The following CBFA2T2 variants were observed in gnomAD, a reference collection of about 807,000 sequenced individuals.
CBFA2T2 encodes the protein protein CBFA2T2.
Under a neutral mutation model 62.2 loss-of-function variants are expected in CBFA2T2, and 11 were observed. The observed-to-expected ratio is 0.18, with a 90% confidence interval of 0.11 to 0.29. The LOEUF is 0.29. Ranked by LOEUF, CBFA2T2 falls within the 10% of genes least tolerant of loss-of-function variation. The pLI, the probability that CBFA2T2 is intolerant of heterozygous loss-of-function variation, is 1.00. For synonymous variants in CBFA2T2, 295 were observed against 287.5 expected, an observed-to-expected ratio of 1.03 and a Z score of -0.27; for missense variants, 592 against 774.1, an observed-to-expected ratio of 0.76 and a Z score of 2.79.
Position 33,513,816 on chromosome 20 carries a change from GA to G in CBFA2T2, c.34+23535del, listed in dbSNP as rs11481160. Among the ~76,000 whole-genome samples, 930 of 111,430 alleles carry G rather than the reference GA, an allele frequency of 8.3e-3. 16 individuals are homozygous for G. Among genetic ancestry groups the G allele is most frequent in the African/African-American group, 0.03 (873 of 29,134 alleles). 73.1% of individuals were successfully genotyped at this position (111,430 alleles called of 152,430 possible). ...GTGACAGAGTAAGACTCTGTCCCAG[GA>G]AAAAAAAAAAAAAAAAAAAGAATGT... On this transcript the variant is annotated intron_variant, in intron 1 of 10. Coordinates refer to ENST00000342704, the MANE Select transcript of CBFA2T2 (RefSeq NM_001032999.3).
chr20:33,562,614 C>T (rs2013130341), intron 1 of CBFA2T2: 2 of 984,616 alleles, frequency 2.0e-6, no homozygotes, highest in African/African-American at 3.5e-5. Context: ...TTTGGAATAT[C>T]TATTTCAAAT....
chr20:33,611,521 CTTCT>C (rs959161222), intron 3 of CBFA2T2, among the ~76,000 whole-genome samples, 186 bp downstream of exon 3: 11 of 151,970 alleles, frequency 7.2e-5, no homozygotes, highest in Middle Eastern at 3.4e-3. Flanking sequence ...CTTTTCTTTT[CTTCT>C]TTCTTTTTTT....
intron 1 of CBFA2T2, among the ~76,000 whole-genome samples, chr20:33,544,065 G>A (rs935615710): frequency 2.6e-5 from 4 of 152,034 alleles, no homozygotes; most frequent in Admixed American, 1.3e-4. Flanking sequence ...CATCTGTTTT[G>A]AACATAGCAG....
At chr20:33,503,258 T>TG (rs1568788261) in intron 1 of CBFA2T2, among the ~76,000 whole-genome samples, 2 of 69,652 alleles carry the variant, frequency 2.9e-5, no homozygotes, top group Non-Finnish European at 6.3e-5. Flanking sequence ...TTCTTTCTTT[T>TG]TTTTTTTTTT....
intron 10 of CBFA2T2, among the ~76,000 whole-genome samples, chr20:33,642,130 G>T (rs1029964829): frequency 1.5e-5 from 2 of 135,594 alleles, no homozygotes; most frequent in Admixed American, 7.1e-5. Flanking sequence ...GTGTGTGTGT[G>T]TGTGTGTGTG....
At chr20:33,524,478 T>C (rs918891594) in intron 1 of CBFA2T2, among the ~76,000 whole-genome samples, 15 of 152,156 alleles carry the variant, frequency 9.9e-5, no homozygotes, top group African/African-American at 3.4e-4. Flanking sequence ...CTTGAGTGAT[T>C]TATGACATTT....
chr20:33,623,157 C>G lies in CBFA2T2; in HGVS notation c.553C>G (p.Arg185Gly). The G allele has an allele frequency of 1.9e-6, 3 of 1,614,252 alleles. No individual in the cohort carries two copies. The highest frequency in any genetic ancestry group is 2.5e-6 in the Non-Finnish European group (3 of 1,180,044). ...LLQRELLHCA[R>G]AAKQTPSQYL... ...GCAGCGGGAACTGCTGCACTGCGCT[C>G]GGGCGGCCAAGCAGACCCCATCCCA... The change falls in exon 5 of 11, where the codon CGG becomes GGG. Residue 185 changes from arginine to glycine, a missense_variant. By Grantham distance (125) the Arg-to-Gly change is moderately radical. Coordinates refer to ENST00000342704, the MANE Select transcript of CBFA2T2 (RefSeq NM_001032999.3).
At chr20:33,578,401 T>C (rs1027324564) in intron 1 of CBFA2T2, among the ~76,000 whole-genome samples, 2 of 152,196 alleles carry the variant, frequency 1.3e-5, no homozygotes. Flanking sequence ...ATGATTTCAA[T>C]TGATTTGTAG....
At chr20:33,558,971 C>G (rs1265605908) in intron 1 of CBFA2T2, among the ~76,000 whole-genome samples, 1 of 151,964 alleles carries the variant, frequency 6.6e-6, no homozygotes, top group African/African-American at 2.4e-5. Flanking sequence ...TTTTCTCCAA[C>G]TATTTGTTTA....
chr20:33,640,591 T>C (rs2122390622), intron 10 of CBFA2T2, 60 bp downstream of exon 10: 13 of 1,496,022 alleles, frequency 8.7e-6, no homozygotes, highest in Non-Finnish European at 9.2e-7. Flanking sequence ...GCCCGCTGCC[T>C]TCCTCTCATA....
At chr20:33,574,549 C>T (rs886314006) in intron 1 of CBFA2T2, among the ~76,000 whole-genome samples, 1 of 152,174 alleles carries the variant, frequency 6.6e-6, no homozygotes, top group African/African-American at 2.4e-5. Context: ...GGCTTGAACC[C>T]GGGAGGCAGA....
intron 1 of CBFA2T2, among the ~76,000 whole-genome samples, chr20:33,573,338 A>G (rs991616539): frequency 5.9e-5 from 9 of 152,180 alleles, no homozygotes; most frequent in African/African-American, 2.2e-4. Context: ...AAGGAGATCC[A>G]GGTTAGTTTG....
chr20:33,515,773 C>G (rs1215475326), intron 1 of CBFA2T2, among the ~76,000 whole-genome samples: 10 of 132,376 alleles, frequency 7.6e-5, no homozygotes, highest in Middle Eastern at 5.1e-3. Flanking sequence ...TACACTCCAT[C>G]CTGGGCCACA....
intron 1 of CBFA2T2, chr20:33,573,876 G>A (rs1043740951): frequency 1.1e-5 from 3 of 263,910 alleles, no homozygotes; most frequent in Non-Finnish European, 2.2e-5. Flanking sequence ...GACTTCATGG[G>A]CTCAGGTAGT....
chr20:33,623,933 T>C, intron 5 of CBFA2T2: 1 of 593,108 alleles, frequency 1.7e-6, no homozygotes, highest in Admixed American at 3.4e-5. Context: ...TTTTCCTTGA[T>C]GCTGTTTGTA....
At chr20:33,605,584 T>A (rs569395615) in intron 1 of CBFA2T2, among the ~76,000 whole-genome samples, 1 of 152,286 alleles carries the variant, frequency 6.6e-6, no homozygotes, top group East Asian at 1.9e-4. Context: ...TTTATCTAAT[T>A]TATCTTTCTG....
At chr20:33,538,189 T>A (rs1270609716) in intron 1 of CBFA2T2, among the ~76,000 whole-genome samples, 1 of 152,162 alleles carries the variant, frequency 6.6e-6, no homozygotes, top group African/African-American at 2.4e-5. Flanking sequence ...TTTTGTCAAA[T>A]TTTTCTCTTA....
chr20:33,515,801 C>CAA lies in CBFA2T2; in HGVS notation c.34+25519_34+25520dup, dbSNP rs61686638. ...GGGCCACAAGAGGGAGACTCCATCT[C>CAA]AAAAAAAAAAAAAAAAAAAACGGGG... On this transcript the variant is annotated intron_variant, in intron 1 of 10. Coordinates refer to ENST00000342704, the MANE Select transcript of CBFA2T2 (RefSeq NM_001032999.3). 1.4e-3 allele frequency among the ~76,000 whole-genome samples: 102 copies of CAA among 75,130 alleles called. 1 individual carries two copies. The Middle Eastern group carries it at 0.032, about 24-fold the overall frequency. 49.3% of individuals were successfully genotyped at this position (75,130 alleles called of 152,430 possible). A position where few individuals can be genotyped will look rare whatever the true frequency, so the allele number is the denominator to read the frequency against.
intron 1 of CBFA2T2, among the ~76,000 whole-genome samples, chr20:33,530,984 G>A (rs181306061): frequency 1.5e-4 from 23 of 152,208 alleles, no homozygotes; most frequent in Admixed American, 1.2e-3. Flanking sequence ...AATCCAGGCC[G>A]TGGCAGGAGA....
Sources: allele counts gnomAD v4.1 joint callset (sites outside exome capture counted in the v4.1 genomes callset), GRCh38; gene constraint gnomAD v4.1.1; transcripts MANE v1.5; gene names NCBI Gene and HGNC (gene_info 2026-07-23, HGNC 2026-07-21).